LAMA1: variants seen among roughly 807,000 people sequenced by gnomAD.
LAMA1 encodes the protein laminin subunit alpha-1.
In LAMA1, 219 loss-of-function variants were observed where a neutral mutation model predicts 348.7. The observed-to-expected ratio is 0.63, with a 90% CI of 0.56 to 0.70. LAMA1 has a LOEUF of 0.70. Among genes scored for constraint, LAMA1 ranks in the 30% least tolerant of loss-of-function variants. The pLI is 0.00. For missense variants in LAMA1, 3,744 were observed against 3,888.0 expected (o/e 0.96, Z 0.99); for synonymous variants, 1,487 against 1,491.0 (o/e 1.00, Z 0.06).
At chr18:7,071,656 T>C (rs574451386) in intron 3 of LAMA1, among the ~76,000 whole-genome samples, 1 of 152,346 alleles carries the variant, frequency 6.6e-6, no homozygotes, top group East Asian at 1.9e-4. Flanking sequence ...TCAGTTATAC[T>C]GGGAAATGTT....
intron 23 of LAMA1, among the ~76,000 whole-genome samples, chr18:7,012,497 A>ATTAT (rs1246700561): frequency 1.4e-5 from 2 of 143,586 alleles, no homozygotes; most frequent in African/African-American, 5.1e-5. Flanking sequence ...TATTATTATT[A>ATTAT]TATTATTATT....
chr18:6,980,820 C>T (rs896908525), intron 41 of LAMA1, among the ~76,000 whole-genome samples, 183 bp from the exon 42 acceptor site: 11 of 152,150 alleles, frequency 7.2e-5, no homozygotes, highest in African/African-American at 2.4e-4. Context: ...ATGGGCCAGG[C>T]GCGATGGCTC....
intron 30 of LAMA1, 22 bp downstream of exon 30, chr18:7,002,242 A>G: frequency 6.2e-7 from 1 of 1,609,378 alleles, no homozygotes. Flanking sequence ...CCAGCATGCC[A>G]GCTGCCCCTG....
chr18:6,953,058 G>A lies in LAMA1; in HGVS notation c.8208-2087C>T, dbSNP rs1022579610. Among the ~76,000 whole-genome samples, 51 of 142,550 alleles carry A rather than the reference G, an allele frequency of 3.6e-4. 1 individual carries two copies. Among genetic ancestry groups the A allele is most frequent in the African/African-American group, 1.2e-3 (48 of 39,440 alleles). The allele number at this position is 142,550 out of a possible 152,430, so 93.5% of individuals were successfully genotyped here. ...GGAGCCATGTCTGCCTGTGTCCGGC[G>A]GATCCACGCCATGGGAGCCATGTCT... On this transcript the variant is annotated intron_variant, in intron 57 of 62. Coordinates refer to ENST00000389658, the MANE Select transcript of LAMA1 (RefSeq NM_005559.4).
chr18:7,107,894 G>A (rs963090901), intron 1 of LAMA1, among the ~76,000 whole-genome samples: 7 of 151,850 alleles, frequency 4.6e-5, no homozygotes, highest in African/African-American at 9.7e-5. Flanking sequence ...GGTGCCTGTA[G>A]TCCCAGCTAC....
intron 3 of LAMA1, among the ~76,000 whole-genome samples, chr18:7,066,984 T>C (rs1598303698): frequency 2.0e-5 from 3 of 152,302 alleles, no homozygotes; most frequent in South Asian, 4.1e-4. Flanking sequence ...ACCTTAAGTG[T>C]CTCCCAATGG....
At position 6,975,056 on chromosome 18, in the gene LAMA1, C is replaced by T. The variant is rs372150895; in HGVS notation, c.6490-20G>A. ...ATCAGACTGGGGGGCGAGGAATGAA[C>T]GGGGATCAGTTTACACACTGGACTG... is the stretch of plus-strand genomic sequence containing the variant. On this transcript the variant is annotated intron_variant, in intron 45 of 62. Transcript: ENST00000389658. 77 of 1,611,502 alleles carry T rather than the reference C, an allele frequency of 4.8e-5. No homozygotes were observed. The highest frequency in any genetic ancestry group is 1.8e-4 in the South Asian group (16 of 90,678).
At chr18:7,062,426 G>A (rs1479363738) in intron 3 of LAMA1, among the ~76,000 whole-genome samples, 5 of 152,152 alleles carry the variant, frequency 3.3e-5, no homozygotes, top group Non-Finnish European at 5.9e-5. Context: ...GCCGGCGGGC[G>A]CCTGGCCAGG....
At chr18:7,014,911 A>G (rs774666253) in intron 22 of LAMA1, among the ~76,000 whole-genome samples, 2 of 151,766 alleles carry the variant, frequency 1.3e-5, no homozygotes, top group Non-Finnish European at 2.9e-5. Context: ...CAGTGGCCCG[A>G]TATCGGCTCA....
chr18:7,053,239 C>T (rs987060864), intron 3 of LAMA1, among the ~76,000 whole-genome samples: 1 of 152,054 alleles, frequency 6.6e-6, no homozygotes, highest in Non-Finnish European at 1.5e-5. Flanking sequence ...GTGAAACCAC[C>T]CTGTATGATA....
chr18:6,950,499 C>T (rs1176424778), intron 58 of LAMA1, among the ~76,000 whole-genome samples: 1 of 152,224 alleles, frequency 6.6e-6, no homozygotes, highest in Non-Finnish European at 1.5e-5. Flanking sequence ...CTAGGCTTTA[C>T]ATACTCCTTG....
intron 56 of LAMA1, chr18:6,956,422 G>A (rs531146175): frequency 1.3e-6 from 1 of 741,616 alleles, no homozygotes; most frequent in Non-Finnish European, 2.4e-6. Context: ...TGGGTGTTGG[G>A]GCCTACAATC....
At chr18:6,978,760 T>G (rs1011973648) in intron 42 of LAMA1, among the ~76,000 whole-genome samples, 1 of 152,224 alleles carries the variant, frequency 6.6e-6, no homozygotes, top group Non-Finnish European at 1.5e-5. Flanking sequence ...TGGGTCCTTT[T>G]CCATCACTCC....
At chr18:6,969,044 C>T (rs2057646505) in intron 48 of LAMA1, among the ~76,000 whole-genome samples, 2 of 152,116 alleles carry the variant, frequency 1.3e-5, no homozygotes, top group Non-Finnish European at 2.9e-5. Context: ...AAAATGAAGA[C>T]GGTTCAATCA....
intron 22 of LAMA1, among the ~76,000 whole-genome samples, chr18:7,014,854 C>CT (rs1371212087): frequency 3.5e-5 from 5 of 142,726 alleles, no homozygotes; most frequent in South Asian, 2.2e-4. Context: ...CTTTTCTTTT[C>CT]TTTTTTTTCT....
intron 1 of LAMA1, among the ~76,000 whole-genome samples, chr18:7,100,681 C>T (rs903239990): frequency 6.6e-6 from 1 of 152,050 alleles, no homozygotes; most frequent in Non-Finnish European, 1.5e-5. Flanking sequence ...AATAGATGAA[C>T]CTAGAAAACA....
chr18:7,086,295 A>T (rs1299293459), intron 1 of LAMA1, among the ~76,000 whole-genome samples: 2 of 152,240 alleles, frequency 1.3e-5, no homozygotes, highest in African/African-American at 4.8e-5. Context: ...GAGATGTTCT[A>T]GAGCAAGAGA....
Position 6,942,144 on chromosome 18 carries a change from CAAAG to C in LAMA1, c.9159_9162del (p.Phe3054ThrfsTer44). ...TGCAGTTCGAACGCTCTGCTGAAGTCAAAGGACTGCACCTGCGGGCTCTTAATCA... is the reference window on the plus strand; with the variant it reads ...TGCAGTTCGAACGCTCTGCTGAAGTCGACTGCACCTGCGGGCTCTTAATCA... On this transcript the variant is annotated frameshift_variant, in exon 63 of 63. Transcript: ENST00000389658. LOFTEE classifies it high-confidence loss of function. 6.2e-7 allele frequency: 1 copy of C among 1,614,150 alleles called. No homozygotes were observed. The highest frequency in any genetic ancestry group is 8.5e-7 in the Non-Finnish European group (1 of 1,180,044).
intron 1 of LAMA1, among the ~76,000 whole-genome samples, chr18:7,110,264 G>A (rs982290065): frequency 1.3e-5 from 2 of 151,546 alleles, no homozygotes; most frequent in Non-Finnish European, 2.9e-5. Flanking sequence ...AGTGCTAACA[G>A]AGAGAAACTA....
Sources: gnomAD v4.1 joint callset for allele counts (sites outside exome capture counted in the v4.1 genomes callset) on GRCh38, gnomAD v4.1.1 for gene constraint, MANE v1.5 for transcripts, NCBI Gene and HGNC (gene_info 2026-07-23, HGNC 2026-07-21) for gene names.